TBCA: variants seen among roughly 807,000 people sequenced by gnomAD.
TBCA encodes tubulin folding cofactor A.
Under a neutral mutation model 15.8 loss-of-function variants are expected in TBCA, and 6 were observed. The observed-to-expected ratio is 0.38, with a 90% CI of 0.21 to 0.75. The LOEUF is 0.75. Among genes scored for constraint, TBCA ranks in the 30% least tolerant of loss-of-function variants. TBCA has a pLI of 0.46. For missense variants in TBCA, 90 were observed against 131.2 expected (o/e 0.69, Z 1.53); for synonymous variants, 32 against 42.3 (o/e 0.76, Z 0.94).
At chr5:77,712,559 T>C (rs779757272) in intron 1 of TBCA, among the ~76,000 whole-genome samples, 47 of 152,244 alleles carry the variant, frequency 3.1e-4, no homozygotes, top group Non-Finnish European at 6.3e-4. Context: ...CATATGTACA[T>C]ATTTATAAAA....
At chr5:77,769,300 G>A (rs1196472375) in intron 1 of TBCA, among the ~76,000 whole-genome samples, 3 of 152,210 alleles carry the variant, frequency 2.0e-5, no homozygotes, top group Admixed American at 1.3e-4. Context: ...ATGGGGTACA[G>A]TGCAAAAGAG....
At chr5:77,728,922 A>AT (rs1746693539) in intron 1 of TBCA, among the ~76,000 whole-genome samples, 2 of 152,260 alleles carry the variant, frequency 1.3e-5, no homozygotes, top group South Asian at 4.1e-4. Context: ...TGGGCCCGCC[A>AT]TAAGTGGACT....
intron 2 of TBCA, among the ~76,000 whole-genome samples, chr5:77,695,493 A>G (rs2112420656): frequency 6.6e-6 from 1 of 152,312 alleles, no homozygotes; most frequent in East Asian, 1.9e-4. Context: ...GCAAAGGAAC[A>G]CAGTGATGGC....
At chr5:77,761,641 A>G (rs892797679) in intron 1 of TBCA, among the ~76,000 whole-genome samples, 1 of 148,130 alleles carries the variant, frequency 6.8e-6, no homozygotes, top group Non-Finnish European at 1.5e-5. Context: ...ATAAATACTT[A>G]AAAAAAAAAA....
intron 1 of TBCA, among the ~76,000 whole-genome samples, chr5:77,741,690 G>A (rs1402636196): frequency 6.6e-6 from 1 of 152,176 alleles, no homozygotes; most frequent in Non-Finnish European, 1.5e-5. Context: ...ATGAAAACCT[G>A]AAGGGAGATT....
At chr5:77,716,991 G>A (rs1746412408) in intron 1 of TBCA, among the ~76,000 whole-genome samples, 1 of 152,166 alleles carries the variant, frequency 6.6e-6, no homozygotes, top group Non-Finnish European at 1.5e-5. Context: ...GGTTGCCATT[G>A]CTCATAAATG....
chr5:77,693,589 AG>A, intron 2 of TBCA: 1 of 478,318 alleles, frequency 2.1e-6, no homozygotes, highest in South Asian at 2.0e-5. Flanking sequence ...ACCTGAGGTC[AG>A]GAGGTTCAAG....
intron 1 of TBCA, among the ~76,000 whole-genome samples, chr5:77,749,853 T>C (rs1747276162): frequency 6.6e-6 from 1 of 152,154 alleles, no homozygotes; most frequent in Non-Finnish European, 1.5e-5. Flanking sequence ...ATGTGGTATG[T>C]CCATTCCGAA....
Position 77,747,625 on chromosome 5 carries a change from G to T in TBCA, c.53+28580C>A, listed in dbSNP as rs1156397028. On this transcript the variant is annotated intron_variant, in intron 1 of 3. Transcript: ENST00000380377. ...ACAGGGCACAGTAGGGGGTTAATAT[G>T]TTGTTGTCCGAATCACTTTCATCAG... 1.3e-5 allele frequency among the ~76,000 whole-genome samples: 2 copies of T among 152,090 alleles called. 1 individual carries two copies. Among genetic ancestry groups the T allele is most frequent in the African/African-American group, 4.8e-5 (2 of 41,448 alleles).
intron 3 of TBCA, 95 bp from the exon 4 acceptor site, chr5:77,691,593 T>TA: frequency 1.3e-5 from 18 of 1,428,700 alleles, no homozygotes; most frequent in Non-Finnish European, 1.7e-5. Context: ...TGTTAATAAC[T>TA]AAAAAATTAA....
chr5:77,745,078 C>T (rs1027882282), intron 1 of TBCA, among the ~76,000 whole-genome samples: 9 of 152,214 alleles, frequency 5.9e-5, no homozygotes, highest in African/African-American at 2.2e-4. Flanking sequence ...AAGCGCTTAG[C>T]TAATGTAGAT....
At chr5:77,742,432 T>G (rs1747063515) in intron 1 of TBCA, among the ~76,000 whole-genome samples, 1 of 152,170 alleles carries the variant, frequency 6.6e-6, no homozygotes, top group South Asian at 2.1e-4. Flanking sequence ...ACATAGAAAA[T>G]TTTAAACTTT....
Position 77,708,287 on chromosome 5 carries a change from T to C in TBCA, c.114A>G (p.Glu38=). Residue 38 remains glutamate, a synonymous_variant, in exon 2 of 4, where the codon GAA becomes GAG. Coordinates refer to ENST00000380377, the MANE Select transcript of TBCA (RefSeq NM_004607.3). The stretch of plus-strand genomic sequence containing the variant: ...TTTCACCGTCTTCAGCTCTCATTTT[T>C]TCAATCTTTTCTTCTTGTTGTTTTG... The part of the protein sequence containing the change: ...KEAKQQEEKI[E]KMRAEDGENY... 1 of 1,612,102 alleles carries C rather than the reference T, an allele frequency of 6.2e-7. No individual in the cohort carries two copies. Among genetic ancestry groups the C allele is most frequent in the Non-Finnish European group, 8.5e-7 (1 of 1,179,000 alleles).
intron 1 of TBCA, among the ~76,000 whole-genome samples, chr5:77,770,514 T>C (rs996294509): frequency 6.6e-6 from 1 of 152,070 alleles, no homozygotes; most frequent in Non-Finnish European, 1.5e-5. Flanking sequence ...TTCCACATCC[T>C]GGGAAACCCC....
intron 1 of TBCA, among the ~76,000 whole-genome samples, chr5:77,725,630 C>A (rs1746616251): frequency 6.6e-6 from 1 of 152,208 alleles, no homozygotes; most frequent in African/African-American, 2.4e-5. Context: ...TATGCCTCAG[C>A]AATCCTTCAT....
Position 77,752,884 on chromosome 5 carries a change from G to A in TBCA, c.53+23321C>T, listed in dbSNP as rs544634060. 1.9e-4 allele frequency among the ~76,000 whole-genome samples: 29 copies of A among 152,212 alleles called. 1 individual carries two copies. In the East Asian group the frequency reaches 4.6e-3, roughly 24 times the overall value. On this transcript the variant is annotated intron_variant, in intron 1 of 3. Coordinates refer to ENST00000380377, the MANE Select transcript of TBCA (RefSeq NM_004607.3). The stretch of plus-strand genomic sequence containing the variant: ...CCGGCTTATTTTTAATAGAGACGGA[G>A]TTTCACCATGCTGGCCAGGCTAGTC...
chr5:77,750,799 T>C (rs1036221468), intron 1 of TBCA, among the ~76,000 whole-genome samples: 1 of 152,172 alleles, frequency 6.6e-6, no homozygotes, highest in Non-Finnish European at 1.5e-5. Flanking sequence ...CTTGCTTTTG[T>C]ACGTTTTAGG....
intron 3 of TBCA, chr5:77,692,230 G>A (rs950291037): frequency 2.0e-6 from 2 of 985,030 alleles, no homozygotes; most frequent in African/African-American, 3.5e-5. Context: ...ACAAACAGTA[G>A]AGGAAATAAA....
chr5:77,697,244 T>G (rs896468237), intron 2 of TBCA, among the ~76,000 whole-genome samples: 1 of 152,136 alleles, frequency 6.6e-6, no homozygotes. Flanking sequence ...ACGCACAAGG[T>G]GTAACTGACT....
Sources: gnomAD v4.1 joint callset for allele counts (sites outside exome capture counted in the v4.1 genomes callset) on GRCh38, gnomAD v4.1.1 for gene constraint, MANE v1.5 for transcripts, NCBI Gene and HGNC (gene_info 2026-07-23, HGNC 2026-07-21) for gene names.